Variants in PCDH15 observed in about 807,000 individuals in gnomAD.
PCDH15 encodes the protein protocadherin related 15, also known as protocadherin-15.
In PCDH15, 129 loss-of-function variants were observed where a neutral mutation model predicts 178.5. The observed-to-expected ratio is 0.72, with a 90% CI of 0.63 to 0.84. PCDH15 has a LOEUF of 0.84. Ranked by LOEUF, PCDH15 falls within the 40% of genes least tolerant of loss-of-function variation. The probability of loss-of-function intolerance (pLI) is 0.00; values close to 1 mark genes in which losing one functional copy is unlikely to be tolerated. For missense variants in PCDH15, 2,230 were observed against 2,099.9 expected, an observed-to-expected ratio of 1.06 and a Z score of -1.21; for synonymous variants, 800 against 732.0, an observed-to-expected ratio of 1.09 and a Z score of -1.50.
chr10:54,402,729 C>T (rs527338075), intron 3 of PCDH15, among the ~76,000 whole-genome samples: 1 of 151,922 alleles, frequency 6.6e-6, no homozygotes, highest in Non-Finnish European at 1.5e-5. Context: ...GCAAACCATT[C>T]CCACATTACA....
intron 8 of PCDH15, among the ~76,000 whole-genome samples, chr10:54,282,778 G>A (rs2058781862): frequency 6.6e-6 from 1 of 151,980 alleles, no homozygotes; most frequent in African/African-American, 2.4e-5. Context: ...ACCAAATATA[G>A]ACCCAAATAC....
chr10:53,869,979 T>C (rs1290828312), intron 26 of PCDH15, among the ~76,000 whole-genome samples: 4 of 152,184 alleles, frequency 2.6e-5, no homozygotes, highest in African/African-American at 4.8e-5. Flanking sequence ...ACTGTAAGAT[T>C]CTAAGCCCTT....
intron 16 of PCDH15, among the ~76,000 whole-genome samples, chr10:54,080,274 C>A (rs1440527232): frequency 6.6e-6 from 1 of 151,958 alleles, no homozygotes; most frequent in Admixed American, 6.6e-5. Context: ...TTTTTAATAC[C>A]TACTCCTTAT....
At chr10:54,672,552 G>A (rs2094694670) in intron 1 of PCDH15, among the ~76,000 whole-genome samples, 1 of 152,102 alleles carries the variant, frequency 6.6e-6, no homozygotes, top group Non-Finnish European at 1.5e-5. Context: ...AAGGACATAT[G>A]CCAGGGAACT....
At chr10:55,070,276 A>T (rs1841695966) in intron 2 of PCDH15, among the ~76,000 whole-genome samples, 1 of 152,030 alleles carries the variant, frequency 6.6e-6, no homozygotes, top group Non-Finnish European at 1.5e-5. Context: ...GAAGCTGTTT[A>T]GTTTAATTAG....
chr10:55,009,366 A>C (rs1327292585), intron 2 of PCDH15, among the ~76,000 whole-genome samples: 1 of 152,068 alleles, frequency 6.6e-6, no homozygotes, highest in Non-Finnish European at 1.5e-5. Context: ...AAAGGATAAC[A>C]GCATTAACAA....
intron 1 of PCDH15, among the ~76,000 whole-genome samples, chr10:55,230,214 G>A (rs1453914287): frequency 1.3e-5 from 2 of 151,910 alleles, no homozygotes; most frequent in Non-Finnish European, 2.9e-5. Context: ...GATTTATTTG[G>A]AATAGAGTTA....
At chr10:53,897,013 T>C (rs565008729) in intron 26 of PCDH15, among the ~76,000 whole-genome samples, 1 of 152,080 alleles carries the variant, frequency 6.6e-6, no homozygotes, top group African/African-American at 2.4e-5. Context: ...CCCCAAACCA[T>C]CCCCCTCTGC....
Position 54,076,837 on chromosome 10 carries a change from C to T in PCDH15, c.2091+2494G>A, listed in dbSNP as rs546425430. On this transcript the variant is annotated intron_variant, in intron 17 of 37. Transcript: ENST00000644397. ...ATTCTCATGATCAAATTTTCAAACT[C>T]ATCCTGGCAATTTGTTTCACACAAA... is the stretch of plus-strand genomic sequence containing the variant. Among the ~76,000 whole-genome samples, 5 of 152,164 alleles carry T rather than the reference C, an allele frequency of 3.3e-5. No homozygotes were observed. In the East Asian group the frequency reaches 9.7e-4, roughly 29 times the overall value.
intron 2 of PCDH15, among the ~76,000 whole-genome samples, chr10:54,589,355 C>A (rs2133910545): frequency 6.6e-6 from 1 of 152,252 alleles, no homozygotes; most frequent in African/African-American, 2.4e-5. Context: ...TTATTTCAAT[C>A]AAGCTGGTAT....
At chr10:54,812,734 G>C (rs1018323001) in intron 3 of PCDH15, among the ~76,000 whole-genome samples, 1 of 151,788 alleles carries the variant, frequency 6.6e-6, no homozygotes, top group Non-Finnish European at 1.5e-5. Flanking sequence ...TGGGATAACA[G>C]GTGTGAGCCA....
intron 18 of PCDH15, among the ~76,000 whole-genome samples, chr10:54,029,845 G>A (rs2093239722): frequency 6.6e-6 from 1 of 151,872 alleles, no homozygotes; most frequent in Non-Finnish European, 1.5e-5. Flanking sequence ...CCATTACTGG[G>A]TTTGCTACCC....
intron 2 of PCDH15, among the ~76,000 whole-genome samples, chr10:55,521,130 T>C (rs1417770597): frequency 6.6e-6 from 1 of 152,016 alleles, no homozygotes; most frequent in Non-Finnish European, 1.5e-5. Context: ...TCTGTTTATT[T>C]GATGTTGTTT....
intron 3 of PCDH15, among the ~76,000 whole-genome samples, chr10:54,493,308 G>A (rs751511670): frequency 6.7e-6 from 1 of 149,174 alleles, no homozygotes; most frequent in African/African-American, 2.4e-5. Flanking sequence ...CATTTCTCTG[G>A]GGGTGGGGGC....
intron 2 of PCDH15, among the ~76,000 whole-genome samples, chr10:55,064,959 A>C (rs888027885): frequency 6.6e-6 from 1 of 152,034 alleles, no homozygotes; most frequent in Non-Finnish European, 1.5e-5. Flanking sequence ...AATCTCAATG[A>C]GATGTTATTT....
chr10:53,978,255 C>T (rs541345422), intron 21 of PCDH15, among the ~76,000 whole-genome samples: 140 of 152,306 alleles, frequency 9.2e-4, no homozygotes, highest in African/African-American at 3.1e-3. Context: ...GACATCCAGG[C>T]ATTTCCATAC....
At chr10:55,219,667 A>G (rs942743206) in intron 1 of PCDH15, among the ~76,000 whole-genome samples, 2 of 151,878 alleles carry the variant, frequency 1.3e-5, no homozygotes, top group African/African-American at 4.8e-5. Context: ...CAAAAGTTTT[A>G]AGGAAAATTT....
At chr10:54,308,670 C>T (rs1395516073) in intron 8 of PCDH15, among the ~76,000 whole-genome samples, 1 of 152,048 alleles carries the variant, frequency 6.6e-6, no homozygotes, top group East Asian at 1.9e-4. Flanking sequence ...TTCTGGGTTA[C>T]ATGTGCAGAA....
chr10:55,578,606 G>T (rs933477774), intron 2 of PCDH15, among the ~76,000 whole-genome samples: 1 of 152,064 alleles, frequency 6.6e-6, no homozygotes, highest in Non-Finnish European at 1.5e-5. Context: ...CATTGACGTT[G>T]ATTTTAGTTT....
Sources: allele counts gnomAD v4.1 joint callset (sites outside exome capture counted in the v4.1 genomes callset), GRCh38; gene constraint gnomAD v4.1.1; transcripts MANE v1.5; gene names NCBI Gene and HGNC (gene_info 2026-07-23, HGNC 2026-07-21).